SRRD: variants seen among roughly 807,000 people sequenced by gnomAD.
SRRD encodes the protein SRR1-like protein.
A neutral mutation model predicts 30.7 loss-of-function variants in SRRD; 28 were observed. The observed-to-expected ratio is 0.91, with a 90% CI of 0.68 to 1.25. The LOEUF (loss-of-function observed/expected upper bound fraction) is 1.25. SRRD is among the 50% of genes most tolerant of loss of function. The probability of loss-of-function intolerance (pLI) is 0.00; values close to 1 mark genes in which losing one functional copy is unlikely to be tolerated. For synonymous variants in SRRD, 161 were observed against 159.6 expected (o/e 1.01, Z -0.07); for missense variants, 415 against 417.3 (o/e 0.99, Z 0.05).
chr22:26,487,512 A>G (rs1379857139), intron 2 of SRRD, among the ~76,000 whole-genome samples: 1 of 151,988 alleles, frequency 6.6e-6, no homozygotes, highest in Non-Finnish European at 1.5e-5. Context: ...GCTGTGCGCC[A>G]GTACGCCTGA....
chr22:26,485,891 C>A, intron 1 of SRRD, 132 bp from the exon 2 acceptor site: 2 of 986,510 alleles, frequency 2.0e-6, no homozygotes, highest in Non-Finnish European at 3.2e-6. Flanking sequence ...CCCCTCCTAT[C>A]ACTTGGTAAG....
At chr22:26,491,361 A>G in intron 6 of SRRD, 102 bp from the exon 7 acceptor site, 1 of 999,062 alleles carries the variant, frequency 1.0e-6, no homozygotes, top group Non-Finnish European at 1.5e-6. Flanking sequence ...TTATTTTTTT[A>G]AAAAGTAAAG....
Position 26,491,655 on chromosome 22 carries a change from C to A in SRRD, c.1003C>A (p.Pro335Thr). ...LEIIRNKREDPSATD is the reference protein window; with the variant it reads ...LEIIRNKREDTSATD ...AATCATCAGGAACAAGAGAGAAGATCCTTCTGCTACTGACTGAACTCGTTG... is the reference window on the plus strand; with the variant it reads ...AATCATCAGGAACAAGAGAGAAGATACTTCTGCTACTGACTGAACTCGTTG... The change falls in exon 7 of 7, where the codon CCT (proline) becomes ACT (threonine). Residue 335 changes from proline (P) to threonine (T), a missense_variant. Transcript: ENST00000215917. 6.2e-7 allele frequency: 1 copy of A among 1,611,350 alleles called. No homozygotes were observed. Among genetic ancestry groups the A allele is most frequent in the East Asian group, 2.2e-5 (1 of 44,888 alleles).
chr22:26,491,385 T>G, intron 6 of SRRD, 78 bp from the exon 7 acceptor site: 1 of 1,158,986 alleles, frequency 8.6e-7, no homozygotes, highest in Non-Finnish European at 1.2e-6. Context: ...GGATGACAAG[T>G]AAAGTGGAAA....
chr22:26,494,458 A>G lies in SRRD; in HGVS notation c.*2786A>G, dbSNP rs1921661474. 3.2e-6 allele frequency: 3 copies of G among 949,570 alleles called. No individual in the cohort carries two copies. Among genetic ancestry groups the G allele is most frequent in the Non-Finnish European group, 4.7e-6 (3 of 636,122 alleles). 58.8% of individuals were successfully genotyped at this position (949,570 alleles called of 1,614,324 possible). A position where few individuals can be genotyped will look rare whatever the true frequency, so the allele number is the denominator to read the frequency against. On this transcript the variant is annotated 3_prime_UTR_variant, in exon 7 of 7. Coordinates refer to ENST00000215917, the MANE Select transcript of SRRD (RefSeq NM_001013694.3). ...TAGCTAAACAGTCTAGCACTTATGA[A>G]TATGGATTTTGGAGTCAGCCTGGTA...
rs1488586311 is a variant in SRRD at position 26,490,766 on chromosome 22, G to T, written c.765-259G>T. 9.6e-6 allele frequency: 4 copies of T among 417,788 alleles called. No homozygotes were observed. The East Asian group carries it at 1.3e-4, about 13-fold the overall frequency. The allele number at this position is 417,788 out of a possible 1,614,324, so 25.9% of individuals were successfully genotyped here. A position where few individuals can be genotyped will look rare whatever the true frequency, so the allele number is the denominator to read the frequency against. On this transcript the variant is annotated intron_variant, in intron 5 of 6. Transcript: ENST00000215917. ...TTTAGTAGAGATGGGGTTTTACCATGTTGGCCATGCTGGTCTTGAACTCCT... is the reference window on the plus strand; with the variant it reads ...TTTAGTAGAGATGGGGTTTTACCATTTTGGCCATGCTGGTCTTGAACTCCT...
intron 5 of SRRD, among the ~76,000 whole-genome samples, chr22:26,490,559 C>CTTTGTTTTTTTTTTTTT (rs1921025946): frequency 1.9e-5 from 1 of 51,834 alleles, no homozygotes; most frequent in Non-Finnish European, 3.4e-5. Flanking sequence ...GGAATATTTG[C>CTTTGTTTTTTTTTTTTT]TTTTTTTTTT....
chr22:26,491,156 C>T (rs1206910557), intron 6 of SRRD, 86 bp downstream of exon 6: 6 of 1,393,130 alleles, frequency 4.3e-6, no homozygotes, highest in Non-Finnish European at 6.0e-6. Flanking sequence ...TAGGAGGAAA[C>T]TCATGGGCTA....
At chr22:26,490,559 C>CTTTTTTTTTTTTCTTTTTTTT (rs1921030891) in intron 5 of SRRD, among the ~76,000 whole-genome samples, 1 of 51,834 alleles carries the variant, frequency 1.9e-5, no homozygotes, top group African/African-American at 7.3e-5. Flanking sequence ...GGAATATTTG[C>CTTTTTTTTTTTTCTTTTTTTT]TTTTTTTTTT....
At position 26,493,968 on chromosome 22, in the gene SRRD, C is replaced by T. The variant is rs1984845687; in HGVS notation, c.*2296C>T. ...CATGGTAGACCTGGGCAGTGGGTGC[C>T]AGCTGACCATGTACCCCAGTCAGCA... On this transcript the variant is annotated 3_prime_UTR_variant, in exon 7 of 7. Transcript: ENST00000215917. 1 of 673,670 alleles carries T rather than the reference C, an allele frequency of 1.5e-6. No individual in the cohort carries two copies. The highest frequency in any genetic ancestry group is 2.5e-6 in the Non-Finnish European group (1 of 406,932). 41.7% of individuals were successfully genotyped at this position (673,670 alleles called of 1,614,324 possible). A position where few individuals can be genotyped will look rare whatever the true frequency, so the allele number is the denominator to read the frequency against.
rs1194312085 is a variant in SRRD, at chr22:26,493,925, G to T, written c.*2253G>T. On this transcript the variant is annotated 3_prime_UTR_variant, in exon 7 of 7. Transcript: ENST00000215917. ...CAGCTTAAGTCAGTCTCCACTCAGGGAAGATGCCCCTCTCAGTCATGGTAG... is the reference window on the plus strand; with the variant it reads ...CAGCTTAAGTCAGTCTCCACTCAGGTAAGATGCCCCTCTCAGTCATGGTAG... The T allele has an allele frequency of 3.7e-6, 2 of 544,322 alleles. No individual in the cohort carries two copies. Among genetic ancestry groups the T allele is most frequent in the African/African-American group, 3.8e-5 (2 of 52,494 alleles). The allele number at this position is 544,322 out of a possible 1,614,324, so 33.7% of individuals were successfully genotyped here. A position where few individuals can be genotyped will look rare whatever the true frequency, so the allele number is the denominator to read the frequency against.
chr22:26,490,558 G>GTTTTTTTTTTTTTT (rs1491237870), intron 5 of SRRD, among the ~76,000 whole-genome samples: 44 of 25,670 alleles, frequency 1.7e-3, no homozygotes, highest in South Asian at 4.1e-3. Flanking sequence ...TGGAATATTT[G>GTTTTTTTTTTTTTT]CTTTTTTTTT....
In SRRD at chr22:26,492,256, C is replaced by A. The variant is rs1296640899; in HGVS notation, c.*584C>A. ...CGGCCACGCCAATGCCCCTCTGAGCCATGTTCTCAGCCTCCCGCCTCTCCT... is the reference window on the plus strand; with the variant it reads ...CGGCCACGCCAATGCCCCTCTGAGCAATGTTCTCAGCCTCCCGCCTCTCCT... On this transcript the variant is annotated 3_prime_UTR_variant, in exon 7 of 7. Transcript: ENST00000215917. The A allele has an allele frequency of 6.2e-7, 1 of 1,614,116 alleles. No homozygotes were observed. The highest frequency in any genetic ancestry group is 8.5e-7 in the Non-Finnish European group (1 of 1,180,048).
chr22:26,483,932 G>A lies in SRRD; in HGVS notation c.42G>A (p.Ala14=). Residue 14 remains alanine (A), a synonymous_variant, in exon 1 of 7, where the codon GCG becomes GCA. Coordinates refer to ENST00000215917, the MANE Select transcript of SRRD (RefSeq NM_001013694.3). The stretch of plus-strand genomic sequence containing the variant: ...CTGCGGCGCTGGAATCCTGGCAGGC[G>A]GCGGCTCCGCGGAAGAGGCGCTCCG... ...AAAAALESWQ[A]AAPRKRRSAA... is the part of the protein sequence containing the mutation. The A allele has an allele frequency of 7.4e-6, 10 of 1,351,396 alleles. No individual in the cohort carries two copies. Among genetic ancestry groups the A allele is most frequent in the Non-Finnish European group, 9.4e-6 (10 of 1,062,478 alleles). The allele number at this position is 1,351,396 out of a possible 1,614,324, so 83.7% of individuals were successfully genotyped here.
Position 26,491,889 on chromosome 22 carries a change from G to T in SRRD, c.*217G>T. On this transcript the variant is annotated 3_prime_UTR_variant, in exon 7 of 7. Coordinates refer to ENST00000215917, the MANE Select transcript of SRRD (RefSeq NM_001013694.3). ...TTTTACATCCTTCCCTCATGACCTG[G>T]CCTGATGTGGAGTAGCTCCTGAGTA... 2 of 1,056,678 alleles carry T rather than the reference G, an allele frequency of 1.9e-6. No homozygotes were observed. Among genetic ancestry groups the T allele is most frequent in the African/African-American group, 1.6e-5 (1 of 62,796 alleles). The allele number at this position is 1,056,678 out of a possible 1,614,324, so 65.5% of individuals were successfully genotyped here.
At chr22:26,488,705 A>C (rs1044854625) in intron 4 of SRRD, among the ~76,000 whole-genome samples, 8 of 152,258 alleles carry the variant, frequency 5.3e-5, no homozygotes, top group African/African-American at 1.9e-4. Flanking sequence ...AGATAGCATG[A>C]ACCAGAACAT....
chr22:26,492,391 G>A lies in SRRD; in HGVS notation c.*719G>A, dbSNP rs748881857. Reference sequence around the variant, plus strand: ...CACCTAAGATACAGGAGGACAGGGCGGTGAGGAGAGGTGTTTCCAGGTGTA... The same window carrying A: ...CACCTAAGATACAGGAGGACAGGGCAGTGAGGAGAGGTGTTTCCAGGTGTA... On this transcript the variant is annotated 3_prime_UTR_variant, in exon 7 of 7. Coordinates refer to ENST00000215917, the MANE Select transcript of SRRD (RefSeq NM_001013694.3). 4.3e-5 allele frequency: 69 copies of A among 1,604,484 alleles called. No homozygotes were observed. The highest frequency in any genetic ancestry group is 2.5e-4 in the Admixed American group (15 of 59,810).
chr22:26,489,020 G>A (rs2063946547), intron 4 of SRRD, among the ~76,000 whole-genome samples: 1 of 152,230 alleles, frequency 6.6e-6, no homozygotes, highest in Admixed American at 6.5e-5. Flanking sequence ...CATCCCTAAA[G>A]CACAGGGCCA....
At position 26,484,168 on chromosome 22, in the gene SRRD, C is replaced by A. The variant is rs564945507; in HGVS notation, c.209+69C>A. On this transcript the variant is annotated intron_variant, in intron 1 of 6. Coordinates refer to ENST00000215917, the MANE Select transcript of SRRD (RefSeq NM_001013694.3). ...CAATTCTGAGCCACAGTCTCCCCAT[C>A]TGTAGAGTGGAGATATAATGCACAC... The A allele has an allele frequency of 3.3e-5, 47 of 1,426,934 alleles. 1 individual carries two copies. Among genetic ancestry groups the A allele is most frequent in the Non-Finnish European group, 4.2e-5 (44 of 1,054,304 alleles). 88.4% of individuals were successfully genotyped at this position (1,426,934 alleles called of 1,614,324 possible).
Sources: allele counts gnomAD v4.1 joint callset (sites outside exome capture counted in the v4.1 genomes callset), GRCh38; gene constraint gnomAD v4.1.1; transcripts MANE v1.5; gene names NCBI Gene and HGNC (gene_info 2026-07-23, HGNC 2026-07-21).